The following ADAMTS2 variants were observed in gnomAD, a reference collection of about 807,000 sequenced individuals.
The protein encoded by ADAMTS2 is ADAM metallopeptidase with thrombospondin type 1 motif 2, also known as A disintegrin and metalloproteinase with thrombospondin motifs 2.
Under a neutral mutation model 123.0 loss-of-function variants are expected in ADAMTS2, and 50 were observed. The ratio of observed to expected loss-of-function variants is 0.41; its 90% CI spans 0.32 to 0.51. The LOEUF (loss-of-function observed/expected upper bound fraction) is 0.51, where lower values mean the gene tolerates loss of function less well. ADAMTS2 is among the 20% of genes least tolerant of loss of function. ADAMTS2 has a pLI of 0.35. For missense variants in ADAMTS2, 1,494 were observed against 1,705.2 expected, an observed-to-expected ratio of 0.88 and a Z score of 2.18; for synonymous variants, 678 against 695.4, an observed-to-expected ratio of 0.98 and a Z score of 0.39.
intron 2 of ADAMTS2, among the ~76,000 whole-genome samples, chr5:179,292,635 G>C (rs906708545): frequency 1.3e-5 from 2 of 149,576 alleles, no homozygotes; most frequent in Non-Finnish European, 3.0e-5. Flanking sequence ...CCTAGGGACA[G>C]CCAGCCATGC....
intron 4 of ADAMTS2, among the ~76,000 whole-genome samples, chr5:179,184,520 A>AG (rs1293850712): frequency 1.6e-5 from 2 of 123,706 alleles, no homozygotes; most frequent in African/African-American, 5.1e-5. Context: ...AAAAAAAAAA[A>AG]AAAAAAAAAA....
rs114543955 is a variant in ADAMTS2 at position 179,311,552 on chromosome 5, G to T, written c.534+32215C>A. ...TTCGCCCACTTCCTTGTAAGATCCA[G>T]TTTATCAAGAACTCTGCTAAGTCAT... On this transcript the variant is annotated intron_variant, in intron 2 of 21. Transcript: ENST00000251582. Among the ~76,000 whole-genome samples, 646 of 152,308 alleles carry T rather than the reference G, an allele frequency of 4.2e-3. 4 individuals carry two copies. The highest frequency in any genetic ancestry group is 0.015 in the African/African-American group (619 of 41,566).
chr5:179,222,902 C>T (rs958296806), intron 3 of ADAMTS2, among the ~76,000 whole-genome samples: 8 of 152,328 alleles, frequency 5.3e-5, no homozygotes, highest in Admixed American at 1.3e-4. Context: ...GGCAGGAGCA[C>T]CCTCCCCAGA....
intron 2 of ADAMTS2, among the ~76,000 whole-genome samples, chr5:179,323,734 C>A (rs991041862): frequency 6.6e-6 from 1 of 152,234 alleles, no homozygotes; most frequent in African/African-American, 2.4e-5. Flanking sequence ...GCAGACCAGA[C>A]CAAATGGTGT....
At chr5:179,240,945 G>A (rs541448143) in intron 3 of ADAMTS2, among the ~76,000 whole-genome samples, 3 of 152,316 alleles carry the variant, frequency 2.0e-5, no homozygotes, top group South Asian at 2.1e-4. Flanking sequence ...AGAAGACAAC[G>A]TTAATGAGCT....
At position 179,305,224 on chromosome 5, in the gene ADAMTS2, A is replaced by G. The variant is rs552661723; in HGVS notation, c.535-32160T>C. Among the ~76,000 whole-genome samples, 5 of 152,344 alleles carry G rather than the reference A, an allele frequency of 3.3e-5. No homozygotes were observed. The East Asian group carries it at 7.7e-4, about 23-fold the overall frequency. On this transcript the variant is annotated intron_variant, in intron 2 of 21. Coordinates refer to ENST00000251582, the MANE Select transcript of ADAMTS2 (RefSeq NM_014244.5). ...TGAAGGAAGTTCTTCAGACAGGGGG[A>G]AAATGATGCTAGAAAGAAATTTTGA...
At chr5:179,153,455 C>T (rs1217746175) in intron 9 of ADAMTS2, 36 bp downstream of exon 9, 22 of 1,602,842 alleles carry the variant, frequency 1.4e-5, no homozygotes, top group Non-Finnish European at 1.8e-5. Context: ...TCCCCCCAGA[C>T]CTGGGAGGGT....
chr5:179,324,830 A>G (rs1757269159), intron 2 of ADAMTS2, among the ~76,000 whole-genome samples: 1 of 152,192 alleles, frequency 6.6e-6, no homozygotes, highest in Non-Finnish European at 1.5e-5. Context: ...AACTACCAGG[A>G]CAGAAGACAG....
intron 3 of ADAMTS2, among the ~76,000 whole-genome samples, chr5:179,248,234 A>C (rs1426483858): frequency 2.6e-5 from 4 of 152,172 alleles, no homozygotes; most frequent in Non-Finnish European, 5.9e-5. Context: ...TTTTAAATAT[A>C]CAGCAAAATA....
intron 10 of ADAMTS2, among the ~76,000 whole-genome samples, chr5:179,145,603 G>A (rs983369519): frequency 2.6e-5 from 4 of 152,154 alleles, no homozygotes; most frequent in African/African-American, 7.2e-5. Flanking sequence ...GACGCCAGGC[G>A]CAAAATGTCC....
In ADAMTS2 at chr5:179,137,498, C is replaced by T. The variant is rs35944670; in HGVS notation, c.1951+271G>A. Among the ~76,000 whole-genome samples the T allele has an allele frequency of 0.39, 59,724 of 152,218 alleles. 11,833 individuals are homozygous for T. Among genetic ancestry groups the T allele is most frequent in the Middle Eastern group, 0.51 (150 of 294 alleles). On this transcript the variant is annotated intron_variant, in intron 12 of 21. Transcript: ENST00000251582. ...CCACCCACGGTGAACTGCAGGAGCC[C>T]GGCCCCTGCCGAGCCCGCAGCCCGG...
intron 13 of ADAMTS2, among the ~76,000 whole-genome samples, chr5:179,134,884 CTCCAGACCCCAGCTCCCG>C: frequency 2.2e-5 from 2 of 92,046 alleles, no homozygotes; most frequent in African/African-American, 8.2e-5. Context: ...CAGCTCCCGG[CTCCAGACCCCAGCTCCCG>C]GCTCCAGCCC....
intron 2 of ADAMTS2, among the ~76,000 whole-genome samples, chr5:179,322,490 T>G (rs1458496999): frequency 2.0e-5 from 3 of 152,072 alleles, no homozygotes; most frequent in Non-Finnish European, 2.9e-5. Flanking sequence ...GGACAAACCC[T>G]GAGCCACGCT....
chr5:179,207,621 AGCATGCCTGCGTGCCCTC>A lies in ADAMTS2; in HGVS notation c.765_782del (p.Arg256_Ala261del). 1 of 1,613,820 alleles carries A rather than the reference AGCATGCCTGCGTGCCCTC, an allele frequency of 6.2e-7. No individual in the cohort carries two copies. The highest frequency in any genetic ancestry group is 8.5e-7 in the Non-Finnish European group (1 of 1,180,030). On this transcript the variant is annotated inframe_deletion, in exon 4 of 22. Transcript: ENST00000251582. ...CCTCGATGTTGTAGTCATCGTCCGC[AGCATGCCTGCGTGCCCTC>A]CGCCTCGAGCTGTTGGCGTGCTCCT...
intron 3 of ADAMTS2, among the ~76,000 whole-genome samples, chr5:179,208,109 G>T (rs1764753475): frequency 1.3e-5 from 2 of 151,970 alleles, no homozygotes; most frequent in Non-Finnish European, 1.5e-5. Context: ...GGGAACCTCA[G>T]CCCGCACTGC....
intron 8 of ADAMTS2, 38 bp downstream of exon 8, chr5:179,154,011 C>T: frequency 1.3e-6 from 2 of 1,578,590 alleles, no homozygotes; most frequent in Non-Finnish European, 1.7e-6. Flanking sequence ...ACCCCAGGGA[C>T]TGAGGGGTCG....
chr5:179,308,395 G>A lies in ADAMTS2; in HGVS notation c.535-35331C>T, dbSNP rs11949748. 7.6e-3 allele frequency among the ~76,000 whole-genome samples: 1,163 copies of A among 152,216 alleles called. 15 individuals are homozygous for A. The highest frequency in any genetic ancestry group is 0.027 in the African/African-American group (1,116 of 41,540). Reference sequence around the variant, plus strand: ...TCGAAATGCCAGCTGGAAAGGTCACGCACGCCAGCTGGAAGGGGAGCCGCG... The same window carrying A: ...TCGAAATGCCAGCTGGAAAGGTCACACACGCCAGCTGGAAGGGGAGCCGCG... On this transcript the variant is annotated intron_variant, in intron 2 of 21. Transcript: ENST00000251582. This position sits in a 1 kb window ranked among gnomAD's most constrained non-coding sequence, Gnocchi z 6.6.
intron 1 of ADAMTS2, 122 bp from the exon 2 acceptor site, chr5:179,344,283 G>A (rs1426644133): frequency 2.3e-6 from 3 of 1,332,354 alleles, no homozygotes; most frequent in Non-Finnish European, 2.0e-6. Context: ...CATTCCGCCA[G>A]GCGACCCCAG....
intron 3 of ADAMTS2, among the ~76,000 whole-genome samples, chr5:179,268,187 T>C (rs543548657): frequency 6.0e-4 from 92 of 152,314 alleles, no homozygotes; most frequent in Non-Finnish European, 1.2e-3. Context: ...GAGGAGGGTC[T>C]GTCCCTCCTT....
Sources: allele counts gnomAD v4.1 joint callset (sites outside exome capture counted in the v4.1 genomes callset), GRCh38; gene constraint gnomAD v4.1.1; non-coding constraint Gnocchi (gnomAD v3.1); transcripts MANE v1.5; gene names NCBI Gene and HGNC (gene_info 2026-07-23, HGNC 2026-07-21).